Variants in PPFIA4 observed in about 807,000 individuals in gnomAD.
The protein encoded by PPFIA4 is PPFI scaffold protein A4.
In PPFIA4, 98 loss-of-function variants were observed where a neutral mutation model predicts 145.7. The ratio of observed to expected loss-of-function variants is 0.67; its 90% CI spans 0.57 to 0.80. The LOEUF is 0.80. Among genes scored for constraint, PPFIA4 ranks in the 30% least tolerant of loss-of-function variants. PPFIA4 has a pLI of 0.00. For synonymous variants in PPFIA4, 628 were observed against 649.6 expected (o/e 0.97, Z 0.51); for missense variants, 1,457 against 1,632.7 (o/e 0.89, Z 1.85).
Position 203,045,444 on chromosome 1 carries a change from G to A in PPFIA4, c.743G>A (p.Arg248Gln), listed in dbSNP as rs529792187. The change falls in exon 7 of 30, where the codon CGA becomes CAA. Residue 248 changes from arginine to glutamine, a missense_variant. Transcript: ENST00000295706. Reference protein sequence around the residue: ...QNFELSQARERLVTLTTTVTE... With the variant: ...QNFELSQAREQLVTLTTTVTE... ...TTTGAGTTGAGCCAGGCCCGGGAGC[G>A]ACTGGTCACCCTAACAACAACCGTG... The A allele has an allele frequency of 5.6e-6, 9 of 1,609,828 alleles. No individual in the cohort carries two copies. The highest frequency in any genetic ancestry group is 4.5e-5 in the East Asian group (2 of 44,750).
At chr1:203,035,822 G>A (rs933966884) in intron 1 of PPFIA4, among the ~76,000 whole-genome samples, 1 of 145,362 alleles carries the variant, frequency 6.9e-6, no homozygotes, top group Non-Finnish European at 1.5e-5. Flanking sequence ...GACAGGGGCA[G>A]GAGGTCCTGG....
At chr1:203,054,615 T>C (rs1660774587) in intron 15 of PPFIA4, among the ~76,000 whole-genome samples, 1 of 151,932 alleles carries the variant, frequency 6.6e-6, no homozygotes, top group African/African-American at 2.4e-5. Context: ...CTTTATAAGC[T>C]GTACAGGACA....
chr1:203,076,538 C>G lies in PPFIA4; in HGVS notation c.*148C>G. On this transcript the variant is annotated 3_prime_UTR_variant, in exon 30 of 30. Coordinates refer to ENST00000295706, the MANE Select transcript of PPFIA4 (RefSeq NM_001304331.2). ...TGGATCTCAGAATATATTCGTCCAC[C>G]CCCTCGGCACCCCATTACCCCGAGT... 1.4e-6 allele frequency: 1 copy of G among 732,308 alleles called. No homozygotes were observed. The highest frequency in any genetic ancestry group is 2.3e-6 in the Non-Finnish European group (1 of 432,652). The allele number at this position is 732,308 out of a possible 1,614,324, so 45.4% of individuals were successfully genotyped here.
Position 203,035,842 on chromosome 1 carries a change from T to C in PPFIA4, c.-399-2768T>C, listed in dbSNP as rs541695422. Reference sequence around the variant, plus strand: ...GGGCAGGAGGTCCTGGACAGTCATCTCAGGGGCATCTTGCCTGGCAGTCCT... The same window carrying C: ...GGGCAGGAGGTCCTGGACAGTCATCCCAGGGGCATCTTGCCTGGCAGTCCT... On this transcript the variant is annotated intron_variant, in intron 1 of 29. Coordinates refer to ENST00000295706, the MANE Select transcript of PPFIA4 (RefSeq NM_001304331.2). 2.6e-4 allele frequency among the ~76,000 whole-genome samples: 8 copies of C among 30,358 alleles called. No individual in the cohort carries two copies. In the Non-Finnish European group the frequency reaches 2.7e-3, roughly 10 times the overall value. 19.9% of individuals were successfully genotyped at this position (30,358 alleles called of 152,430 possible).
At position 203,076,996 on chromosome 1, in the gene PPFIA4, A is replaced by T. The variant is rs1260160650; in HGVS notation, c.*606A>T. ...ACTGAAGGCCCCATTCTCCCACAGG[A>T]TGGTGAGGCTGGGAGGAGGAAGACT... On this transcript the variant is annotated 3_prime_UTR_variant, in exon 30 of 30. Coordinates refer to ENST00000295706, the MANE Select transcript of PPFIA4 (RefSeq NM_001304331.2). 6.5e-6 allele frequency: 1 copy of T among 152,830 alleles called. No homozygotes were observed. The highest frequency in any genetic ancestry group is 2.1e-4 in the South Asian group (1 of 4,854). The allele number at this position is 152,830 out of a possible 1,614,324, so 9.5% of individuals were successfully genotyped here.
intron 2 of PPFIA4, among the ~76,000 whole-genome samples, 167 bp downstream of exon 2, chr1:203,039,409 C>T (rs1174872249): frequency 6.6e-6 from 1 of 152,232 alleles, no homozygotes; most frequent in Admixed American, 6.5e-5. Context: ...CTGTCACTCC[C>T]ATGCTCCTCA....
Position 203,044,470 on chromosome 1 carries a change from C to A in PPFIA4, c.576+17C>A. 6.5e-7 allele frequency: 1 copy of A among 1,548,184 alleles called. No individual in the cohort carries two copies. On this transcript the variant is annotated intron_variant, in intron 5 of 29. Transcript: ENST00000295706. The stretch of plus-strand genomic sequence containing the variant: ...CACCAGCAGGTAATCTGCCTGCTCA[C>A]CCTCAGTCTGCAGCTCCTGGAAGTC...
At chr1:203,049,077 A>T in intron 12 of PPFIA4, 97 bp downstream of exon 12, 1 of 1,169,416 alleles carries the variant, frequency 8.6e-7, no homozygotes, top group African/African-American at 1.5e-5. Context: ...GATACCTGGC[A>T]GTGTTAGTGC....
chr1:203,048,446 A>AT lies in PPFIA4; in HGVS notation c.1224+136_1225-136insT. 6.8e-7 allele frequency: 1 copy of AT among 1,464,660 alleles called. No individual in the cohort carries two copies. The highest frequency in any genetic ancestry group is 2.5e-5 in the East Asian group (1 of 40,512). 90.7% of individuals were successfully genotyped at this position (1,464,660 alleles called of 1,614,324 possible). On this transcript the variant is annotated intron_variant, in intron 10 of 29. Coordinates refer to ENST00000295706, the MANE Select transcript of PPFIA4 (RefSeq NM_001304331.2). The surrounding 1 kb of genome is among the most constrained non-coding windows in gnomAD (Gnocchi z 5.8). ...GAGAGTGGGAGGAGGCTGGCAGGTG[A>AT]AGGGGGAGGTGGTCAGGAGACTGGA...
chr1:203,074,858 G>T (rs1571749121), intron 28 of PPFIA4, among the ~76,000 whole-genome samples: 1 of 152,214 alleles, frequency 6.6e-6, no homozygotes, highest in African/African-American at 2.4e-5. Flanking sequence ...GGTGAGGGGG[G>T]CAGGTGGCAG....
chr1:203,075,449 C>T lies in PPFIA4; in HGVS notation c.3394-128C>T, dbSNP rs1329189708. The T allele has an allele frequency of 7.1e-6, 5 of 701,594 alleles. No individual in the cohort carries two copies. Among genetic ancestry groups the T allele is most frequent in the Admixed American group, 4.3e-5 (1 of 23,098 alleles). The allele number at this position is 701,594 out of a possible 1,614,324, so 43.5% of individuals were successfully genotyped here. ...CAAGGCTAGAAAGGGGAAGTGACCT[C>T]GCTCCCTCTTTCCAAAGGGGTGGGA... On this transcript the variant is annotated intron_variant, in intron 28 of 29. Transcript: ENST00000295706. This position sits in a 1 kb window ranked among gnomAD's most constrained non-coding sequence, Gnocchi z 4.1.
intron 19 of PPFIA4, 30 bp downstream of exon 19, chr1:203,056,980 G>A (rs1319761896): frequency 6.2e-7 from 1 of 1,611,058 alleles, no homozygotes; most frequent in African/African-American, 1.3e-5. Flanking sequence ...CGGAGGTCTG[G>A]GCGGGCATTG....
At position 203,076,416 on chromosome 1, in the gene PPFIA4, C is replaced by G. The variant is rs1157721683; in HGVS notation, c.*26C>G. The G allele has an allele frequency of 6.2e-7, 1 of 1,604,118 alleles. No individual in the cohort carries two copies. Among genetic ancestry groups the G allele is most frequent in the African/African-American group, 1.3e-5 (1 of 74,860 alleles). ...CCATGGCCCCCAGGGCTGGCTTCCT[C>G]CTTCTGGGTTTCACAGGCTCCTCTG... On this transcript the variant is annotated 3_prime_UTR_variant, in exon 30 of 30. Coordinates refer to ENST00000295706, the MANE Select transcript of PPFIA4 (RefSeq NM_001304331.2).
chr1:203,031,685 C>T (rs4950906), intron 1 of PPFIA4, among the ~76,000 whole-genome samples: 5,218 of 152,284 alleles, frequency 0.034, 128 homozygotes, highest in Non-Finnish European at 0.048. Context: ...CACCAGAGGA[C>T]CCTGTTTAAT....
chr1:203,046,722 G>T (rs1452760134), intron 9 of PPFIA4, among the ~76,000 whole-genome samples: 1 of 150,058 alleles, frequency 6.7e-6, no homozygotes, highest in Non-Finnish European at 1.5e-5. Context: ...ACTTGGGGCT[G>T]GAGCAGAAAG....
At chr1:203,049,842 CAA>C (rs1263096058) in intron 13 of PPFIA4, 75 bp downstream of exon 13, 11 of 1,275,178 alleles carry the variant, frequency 8.6e-6, no homozygotes. Context: ...TTCCTTCCAA[CAA>C]AAGACTGCCC....
intron 28 of PPFIA4, 71 bp downstream of exon 28, chr1:203,071,831 C>A: frequency 7.8e-7 from 1 of 1,288,588 alleles, no homozygotes; most frequent in Non-Finnish European, 1.1e-6. Flanking sequence ...TTCATGAGTT[C>A]TGCCTTCCCT....
At chr1:203,069,823 G>A (rs1336673076) in intron 27 of PPFIA4, among the ~76,000 whole-genome samples, 1 of 135,872 alleles carries the variant, frequency 7.4e-6, no homozygotes, top group Non-Finnish European at 1.5e-5. Context: ...TCTCCAAGAG[G>A]AGCCTGGATT....
rs370100527 is a variant in PPFIA4, at chr1:203,054,096, G to T, written c.1829+135G>T. 2.8e-5 allele frequency: 29 copies of T among 1,025,546 alleles called. No homozygotes were observed. The South Asian group carries it at 3.7e-4, about 13-fold the overall frequency. 63.5% of individuals were successfully genotyped at this position (1,025,546 alleles called of 1,614,324 possible). A position where few individuals can be genotyped will look rare whatever the true frequency, so the allele number is the denominator to read the frequency against. On this transcript the variant is annotated intron_variant, in intron 15 of 29. Coordinates refer to ENST00000295706, the MANE Select transcript of PPFIA4 (RefSeq NM_001304331.2). Reference sequence around the variant, plus strand: ...TACCACAGTTCAGGGACCCTCTGTGGGTCATCAGGCCCGCTGCCAGTGCCG... The same window carrying T: ...TACCACAGTTCAGGGACCCTCTGTGTGTCATCAGGCCCGCTGCCAGTGCCG...
Sources: gnomAD v4.1 joint callset for allele counts (sites outside exome capture counted in the v4.1 genomes callset) on GRCh38, gnomAD v4.1.1 for gene constraint, Gnocchi (gnomAD v3.1) non-coding constraint, MANE v1.5 for transcripts, NCBI Gene and HGNC (gene_info 2026-07-23, HGNC 2026-07-21) for gene names.